DPP10: variants seen among roughly 807,000 people sequenced by gnomAD.
The protein encoded by DPP10 is inactive dipeptidyl peptidase 10.
DPP10 carries 33 observed loss-of-function variants against 120.9 expected under a neutral mutation model. That is an observed-to-expected ratio of 0.27 (90% CI 0.21 to 0.37). The LOEUF is 0.37. Among genes scored for constraint, DPP10 ranks in the 10% least tolerant of loss-of-function variants. The pLI is 1.00. For missense variants in DPP10, 816 were observed against 942.8 expected, an observed-to-expected ratio of 0.87 and a Z score of 1.76; for synonymous variants, 337 against 326.1, an observed-to-expected ratio of 1.03 and a Z score of -0.36.
intron 1 of DPP10, among the ~76,000 whole-genome samples, chr2:115,275,728 C>G (rs2059891623): frequency 8.0e-6 from 1 of 124,724 alleles, no homozygotes. Context: ...GAGACGGAGT[C>G]TCGCTCTGTC....
chr2:114,622,311 A>T (rs143035943), intron 1 of DPP10, among the ~76,000 whole-genome samples: 77 of 152,164 alleles, frequency 5.1e-4, no homozygotes, highest in Non-Finnish European at 7.8e-4. Flanking sequence ...AAAAGAAAGT[A>T]TTGACTGTGT....
At chr2:114,505,997 T>C (rs943494060) in intron 1 of DPP10, among the ~76,000 whole-genome samples, 2 of 152,250 alleles carry the variant, frequency 1.3e-5, no homozygotes, top group Non-Finnish European at 2.9e-5. Flanking sequence ...TTAAATACTT[T>C]GTGATTGATA....
At chr2:114,947,729 C>T (rs1181153619) in intron 1 of DPP10, among the ~76,000 whole-genome samples, 1 of 151,958 alleles carries the variant, frequency 6.6e-6, no homozygotes, top group East Asian at 1.9e-4. Flanking sequence ...TGAGTTAACT[C>T]TAAAAACATA....
intron 4 of DPP10, among the ~76,000 whole-genome samples, chr2:115,501,155 A>G (rs528860630): frequency 5.9e-5 from 9 of 152,164 alleles, no homozygotes; most frequent in Non-Finnish European, 1.0e-4. Context: ...CCAAGCATTC[A>G]GGTTAGATAT....
chr2:115,753,781 G>T lies in DPP10; in HGVS notation c.1074+484G>T, dbSNP rs72951960. ...CATGAACTACTCTGTTTTGAAATCA[G>T]GTTATATTTCAATTCTTAATACCAG... On this transcript the variant is annotated intron_variant, in intron 11 of 25. Coordinates refer to ENST00000410059, the MANE Select transcript of DPP10 (RefSeq NM_020868.6). 7.2e-3 allele frequency among the ~76,000 whole-genome samples: 1,095 copies of T among 152,180 alleles called. 16 individuals carry two copies. Among genetic ancestry groups the T allele is most frequent in the African/African-American group, 0.025 (1,059 of 41,530 alleles).
chr2:115,354,340 C>G (rs1392032403), intron 3 of DPP10, among the ~76,000 whole-genome samples: 1 of 152,054 alleles, frequency 6.6e-6, no homozygotes, highest in Non-Finnish European at 1.5e-5. Flanking sequence ...CTCCCTACCC[C>G]CTCTTATTTT....
intron 5 of DPP10, among the ~76,000 whole-genome samples, chr2:115,545,323 AT>A (rs1349469516): frequency 1.3e-5 from 2 of 152,190 alleles, no homozygotes; most frequent in Non-Finnish European, 2.9e-5. Flanking sequence ...GGTAATAGAC[AT>A]AAAAATAGTT....
chr2:115,697,754 G>C (rs1430082583), intron 7 of DPP10, among the ~76,000 whole-genome samples: 2 of 152,216 alleles, frequency 1.3e-5, no homozygotes, highest in Non-Finnish European at 2.9e-5. Flanking sequence ...AGGAGGCTGA[G>C]GCGGGCGGAT....
At chr2:115,541,456 G>A (rs1190703122) in intron 5 of DPP10, among the ~76,000 whole-genome samples, 4 of 151,668 alleles carry the variant, frequency 2.6e-5, no homozygotes, top group African/African-American at 4.8e-5. Context: ...CTCTAGCTTT[G>A]TGTTTATGTG....
At chr2:115,665,914 G>T (rs1244571223) in intron 5 of DPP10, among the ~76,000 whole-genome samples, 2 of 150,736 alleles carry the variant, frequency 1.3e-5, no homozygotes, top group Non-Finnish European at 3.0e-5. Context: ...TTTATTTTAG[G>T]TTTGGGGTAC....
chr2:115,663,401 G>T (rs2149416454), intron 5 of DPP10, among the ~76,000 whole-genome samples: 1 of 152,152 alleles, frequency 6.6e-6, no homozygotes, highest in South Asian at 2.1e-4. Context: ...ATGGTATTCG[G>T]GTCTGTTTTC....
intron 3 of DPP10, among the ~76,000 whole-genome samples, chr2:115,459,715 A>T (rs1326860842): frequency 6.6e-6 from 1 of 152,002 alleles, no homozygotes; most frequent in East Asian, 1.9e-4. Context: ...TGTGAGAAAC[A>T]AAAACTAAAT....
chr2:115,162,000 G>A, intron 1 of DPP10: 8 of 1,387,552 alleles, frequency 5.8e-6, no homozygotes, highest in Non-Finnish European at 7.4e-6. Context: ...CCGGGGGCCA[G>A]GGCGAGCCAG....
chr2:114,557,295 T>G (rs567609058), intron 1 of DPP10, among the ~76,000 whole-genome samples: 4 of 152,248 alleles, frequency 2.6e-5, no homozygotes, highest in Admixed American at 2.6e-4. Context: ...AGCCATTTGC[T>G]CTCAGGGAAA....
At position 114,829,858 on chromosome 2, in the gene DPP10, A is replaced by G. The variant is rs530070074; in HGVS notation, c.60+387020A>G. 3.3e-5 allele frequency among the ~76,000 whole-genome samples: 5 copies of G among 152,228 alleles called. No homozygotes were observed. The South Asian group carries it at 1.0e-3, about 32-fold the overall frequency. ...GAAAGCGTCACTATGCGTTTCCTTA[A>G]AAGAACACCCATTTCAGAACCCGTG... is the stretch of plus-strand genomic sequence containing the variant. On this transcript the variant is annotated intron_variant, in intron 1 of 25. Coordinates refer to ENST00000410059, the MANE Select transcript of DPP10 (RefSeq NM_020868.6).
intron 1 of DPP10, among the ~76,000 whole-genome samples, chr2:115,223,514 G>C (rs1440305088): frequency 6.6e-6 from 1 of 152,110 alleles, no homozygotes; most frequent in Non-Finnish European, 1.5e-5. Flanking sequence ...AGACATATTT[G>C]GTTTGGCGAG....
intron 1 of DPP10, among the ~76,000 whole-genome samples, chr2:114,838,387 C>G (rs971456120): frequency 6.6e-6 from 1 of 152,132 alleles, no homozygotes; most frequent in African/African-American, 2.4e-5. Flanking sequence ...TCACTTGGCT[C>G]ACTGCAACTG....
chr2:114,531,777 T>C (rs2104740446), intron 1 of DPP10, among the ~76,000 whole-genome samples: 1 of 152,140 alleles, frequency 6.6e-6, no homozygotes, highest in East Asian at 1.9e-4. Flanking sequence ...TATTTGCTTA[T>C]TGTTACTTGT....
chr2:115,199,748 T>C (rs971484246), intron 1 of DPP10, among the ~76,000 whole-genome samples: 16 of 152,194 alleles, frequency 1.1e-4, no homozygotes, highest in Non-Finnish European at 2.9e-5. Context: ...AAGATAGGCA[T>C]TGTATTATGA....
Sources: gnomAD v4.1 joint callset for allele counts (sites outside exome capture counted in the v4.1 genomes callset) on GRCh38, gnomAD v4.1.1 for gene constraint, MANE v1.5 for transcripts, NCBI Gene and HGNC (gene_info 2026-07-23, HGNC 2026-07-21) for gene names.